Variants in ROBO2 observed in about 807,000 individuals in gnomAD.
ROBO2 encodes roundabout homolog 2.
A neutral mutation model predicts 160.8 loss-of-function variants in ROBO2; 53 were observed. That is an observed-to-expected ratio of 0.33 (90% CI 0.26 to 0.41). The LOEUF is 0.41. Among genes scored for constraint, ROBO2 ranks in the 10% least tolerant of loss-of-function variants. ROBO2 has a pLI of 1.00. For synonymous variants in ROBO2, 664 were observed against 611.7 expected, an observed-to-expected ratio of 1.09 and a Z score of -1.26; for missense variants, 1,577 against 1,722.4, an observed-to-expected ratio of 0.92 and a Z score of 1.49.
At chr3:76,333,476 C>G (rs1381155982) in intron 2 of ROBO2, among the ~76,000 whole-genome samples, 1 of 151,972 alleles carries the variant, frequency 6.6e-6, no homozygotes, top group Non-Finnish European at 1.5e-5. Flanking sequence ...CCAGATAATC[C>G]TTGATAATCT....
At chr3:76,434,056 G>A (rs1281172558) in intron 2 of ROBO2, 3 of 1,302,722 alleles carry the variant, frequency 2.3e-6, no homozygotes, top group Non-Finnish European at 3.3e-6. Context: ...GACTGGAGAG[G>A]GCAGTGGGCC....
intron 2 of ROBO2, among the ~76,000 whole-genome samples, chr3:76,743,324 A>C (rs2093832537): frequency 6.6e-6 from 1 of 152,114 alleles, no homozygotes; most frequent in Non-Finnish European, 1.5e-5. Flanking sequence ...ATAATGGAAT[A>C]AAAATGTAAT....
At chr3:76,239,281 C>T (rs149874875) in intron 2 of ROBO2, among the ~76,000 whole-genome samples, 13 of 151,732 alleles carry the variant, frequency 8.6e-5, no homozygotes, top group African/African-American at 2.7e-4. Flanking sequence ...CTAAATAATC[C>T]TATTTAATAG....
At chr3:77,408,478 C>T (rs1395134058) in intron 2 of ROBO2, among the ~76,000 whole-genome samples, 2 of 152,138 alleles carry the variant, frequency 1.3e-5, no homozygotes, top group East Asian at 1.9e-4. Flanking sequence ...TTAGAATTGA[C>T]ACCCCCTCAC....
chr3:76,598,152 T>G (rs1233919852), intron 2 of ROBO2, among the ~76,000 whole-genome samples: 3 of 150,720 alleles, frequency 2.0e-5, no homozygotes, highest in Non-Finnish European at 3.0e-5. Context: ...TTACACTGAG[T>G]GAAAAAAAAA....
intron 2 of ROBO2, among the ~76,000 whole-genome samples, chr3:77,116,302 A>G (rs942547597): frequency 1.4e-4 from 21 of 152,234 alleles, no homozygotes; most frequent in African/African-American, 4.6e-4. Context: ...TAAAGCTTTT[A>G]TCTCATTAAC....
chr3:76,900,437 T>C (rs2148870268), intron 2 of ROBO2, among the ~76,000 whole-genome samples: 1 of 152,266 alleles, frequency 6.6e-6, no homozygotes, highest in South Asian at 2.1e-4. Flanking sequence ...ATGTGACAAG[T>C]TGCACGATGA....
At chr3:77,170,798 C>T (rs922749028) in intron 2 of ROBO2, among the ~76,000 whole-genome samples, 1 of 151,922 alleles carries the variant, frequency 6.6e-6, no homozygotes, top group Non-Finnish European at 1.5e-5. Context: ...ATAAAATAAT[C>T]GACCCATGTT....
intron 2 of ROBO2, among the ~76,000 whole-genome samples, chr3:76,722,279 G>A (rs1234627790): frequency 4.6e-5 from 7 of 151,948 alleles, no homozygotes; most frequent in Non-Finnish European, 8.8e-5. Flanking sequence ...TGCCACCCAC[G>A]CCTGGCTAAT....
chr3:77,392,602 T>A (rs550405833), intron 2 of ROBO2, among the ~76,000 whole-genome samples: 1 of 152,230 alleles, frequency 6.6e-6, no homozygotes, highest in African/African-American at 2.4e-5. Context: ...TACACTTTTT[T>A]AATCACTTGC....
intron 23 of ROBO2, among the ~76,000 whole-genome samples, chr3:77,625,658 G>A (rs1308885367): frequency 6.6e-6 from 1 of 152,152 alleles, no homozygotes; most frequent in East Asian, 1.9e-4. Flanking sequence ...TTACAGGCGT[G>A]AGCCACTGCG....
Position 76,141,077 on chromosome 3 carries a change from A to AT in ROBO2, c.109+203475_109+203476insT, listed in dbSNP as rs1553656028. Among the ~76,000 whole-genome samples the AT allele has an allele frequency of 1.4e-3, 151 of 105,860 alleles. 9 individuals carry two copies. The highest frequency in any genetic ancestry group is 4.5e-3 in the African/African-American group (127 of 28,536). 69.4% of individuals were successfully genotyped at this position (105,860 alleles called of 152,430 possible). A position where few individuals can be genotyped will look rare whatever the true frequency, so the allele number is the denominator to read the frequency against. On this transcript the variant is annotated intron_variant, in intron 2 of 26. Coordinates refer to the ROBO2 transcript ENST00000487694. ...TTTACATACATATATATATATATATAAAATATATGTGCCTGGGTTTATAGG... is the reference window on the plus strand; with the variant it reads ...TTTACATACATATATATATATATATATAAATATATGTGCCTGGGTTTATAGG...
chr3:77,050,287 A>T (rs575090416), intron 1 of ROBO2, among the ~76,000 whole-genome samples: 2 of 151,896 alleles, frequency 1.3e-5, no homozygotes, highest in African/African-American at 4.9e-5. Context: ...CACCTTCCTC[A>T]TCTTAAGCAT....
intron 2 of ROBO2, among the ~76,000 whole-genome samples, chr3:76,088,924 C>T (rs139034426): frequency 4.0e-5 from 6 of 151,786 alleles, no homozygotes; most frequent in Non-Finnish European, 8.8e-5. Flanking sequence ...AAACAAAAAA[C>T]TGGTTATTTG....
chr3:77,368,371 C>A (rs758463015), intron 2 of ROBO2, among the ~76,000 whole-genome samples: 1 of 152,006 alleles, frequency 6.6e-6, no homozygotes, highest in African/African-American at 2.4e-5. Context: ...AGACTTAATA[C>A]GTGCTTGTAT....
At chr3:77,250,519 G>A (rs2090213346) in intron 2 of ROBO2, among the ~76,000 whole-genome samples, 1 of 152,182 alleles carries the variant, frequency 6.6e-6, no homozygotes, top group Non-Finnish European at 1.5e-5. Flanking sequence ...CCATGACTGA[G>A]TTGTACACAT....
At chr3:76,436,508 A>G (rs987768141) in intron 2 of ROBO2, among the ~76,000 whole-genome samples, 2 of 152,154 alleles carry the variant, frequency 1.3e-5, no homozygotes, top group South Asian at 2.1e-4. Flanking sequence ...TGCTAATGTA[A>G]ATTTCAGTTT....
chr3:77,633,908 C>T (rs955112725), intron 23 of ROBO2: 3 of 152,194 alleles, frequency 2.0e-5, no homozygotes, highest in Admixed American at 1.3e-4. Flanking sequence ...GGCACAAGTG[C>T]ATTTCCTGCA....
At position 76,425,572 on chromosome 3, in the gene ROBO2, G is replaced by A. The variant is rs548511217; in HGVS notation, c.109+487970G>A. 5.9e-5 allele frequency among the ~76,000 whole-genome samples: 9 copies of A among 151,500 alleles called. 1 individual carries two copies. In the South Asian group the frequency reaches 1.9e-3, roughly 32 times the overall value. On this transcript the variant is annotated intron_variant, in intron 2 of 26. Transcript: ENST00000487694. Reference sequence around the variant, plus strand: ...TGTTCTTCACCATGGTATACCCAATGCCTAGGATAAAACTGCTAAGCATGT... The same window carrying A: ...TGTTCTTCACCATGGTATACCCAATACCTAGGATAAAACTGCTAAGCATGT...
Sources: gnomAD v4.1 joint callset for allele counts (sites outside exome capture counted in the v4.1 genomes callset) on GRCh38, gnomAD v4.1.1 for gene constraint, MANE v1.5 for transcripts, NCBI Gene and HGNC (gene_info 2026-07-23, HGNC 2026-07-21) for gene names.